AVEN: variants seen among roughly 807,000 people sequenced by gnomAD.
The protein encoded by AVEN is apoptosis and caspase activation inhibitor.
In AVEN, 41 loss-of-function variants were observed where a neutral mutation model predicts 38.1. The ratio of observed to expected loss-of-function variants is 1.08; its 90% confidence interval spans 0.84 to 1.40. AVEN has a LOEUF of 1.40. AVEN is among the 40% of genes most tolerant of loss of function. AVEN has a pLI of 0.00. For missense variants in AVEN, 605 were observed against 438.8 expected, an observed-to-expected ratio of 1.38 and a Z score of -3.38; for synonymous variants, 206 against 171.8, an observed-to-expected ratio of 1.20 and a Z score of -1.56.
intron 1 of AVEN, among the ~76,000 whole-genome samples, chr15:34,036,708 A>G (rs1899142951): frequency 6.6e-6 from 1 of 152,244 alleles, no homozygotes; most frequent in Non-Finnish European, 1.5e-5. Context: ...TGATGAAGGG[A>G]TAAGACCAAC....
At chr15:34,061,899 T>C (rs1900345130) in intron 5 of AVEN, among the ~76,000 whole-genome samples, 1 of 152,208 alleles carries the variant, frequency 6.6e-6, no homozygotes, top group Admixed American at 6.5e-5. Context: ...ACTGGGACTA[T>C]AGAATAGATA....
chr15:34,023,712 T>A (rs1898312494), intron 1 of AVEN, among the ~76,000 whole-genome samples: 1 of 152,170 alleles, frequency 6.6e-6, no homozygotes, highest in African/African-American at 2.4e-5. Flanking sequence ...CACGCCAGGC[T>A]TAAAAGGCCA....
chr15:33,960,168 C>T (rs775052191), intron 2 of AVEN, among the ~76,000 whole-genome samples: 3 of 152,116 alleles, frequency 2.0e-5, no homozygotes. Context: ...ACCAGATACA[C>T]GAACCTCTTT....
intron 2 of AVEN, among the ~76,000 whole-genome samples, chr15:33,909,916 G>T (rs1401850967): frequency 2.0e-5 from 3 of 152,008 alleles, no homozygotes; most frequent in African/African-American, 7.3e-5. Flanking sequence ...ATCACCTGAG[G>T]TCAGGAGTTT....
intron 2 of AVEN, among the ~76,000 whole-genome samples, chr15:33,984,288 TAA>T (rs1896322124): frequency 6.6e-6 from 1 of 152,008 alleles, no homozygotes; most frequent in African/African-American, 2.4e-5. Flanking sequence ...TATTAGAAAA[TAA>T]AAAGTTTACA....
rs1177034109 is a variant in AVEN, at chr15:33,866,677, GGTTGCTCAGGTTCCAT to G, written c.1009_1024del (p.Met337GlnfsTer19). On this transcript the variant is annotated frameshift_variant, in exon 6 of 6. Transcript: ENST00000306730. LOFTEE classifies it high-confidence loss of function. ...CTCGGTAACATTTTTGGAGGTACTTGGTTGCTCAGGTTCCATGTTTTTTTCTTCAGTCACAGATGGT... is the reference window on the plus strand; with the variant it reads ...CTCGGTAACATTTTTGGAGGTACTTGGTTTTTTTCTTCAGTCACAGATGGT... 2 of 1,613,962 alleles carry G rather than the reference GGTTGCTCAGGTTCCAT, an allele frequency of 1.2e-6. No individual in the cohort carries two copies. The highest frequency in any genetic ancestry group is 1.7e-6 in the Non-Finnish European group (2 of 1,179,918).
At chr15:33,854,747 T>C (rs1194820625), downstream of AVEN, 3 of 1,584,912 alleles carry the variant, frequency 1.9e-6, no homozygotes, top group Non-Finnish European at 2.6e-6. Flanking sequence ...CTTAAAAGTC[T>C]GCTTTCTTCC....
chr15:33,994,884 G>A (rs918624696), intron 2 of AVEN, among the ~76,000 whole-genome samples: 2 of 151,728 alleles, frequency 1.3e-5, no homozygotes, highest in African/African-American at 4.8e-5. Flanking sequence ...AGCTAATTTG[G>A]GAAGAAAAAA....
intron 1 of AVEN, among the ~76,000 whole-genome samples, chr15:34,070,901 T>G (rs754489045): frequency 1.3e-5 from 2 of 152,184 alleles, no homozygotes; most frequent in Non-Finnish European, 1.5e-5. Context: ...GTTAAAACCT[T>G]AAATTTCTCT....
intron 2 of AVEN, among the ~76,000 whole-genome samples, chr15:33,898,064 C>A (rs979799637): frequency 6.6e-6 from 1 of 152,036 alleles, no homozygotes; most frequent in African/African-American, 2.4e-5. Flanking sequence ...TGGTGGGCAC[C>A]TGTAGTCCCA....
upstream of AVEN, among the ~76,000 whole-genome samples, chr15:34,043,922 C>A (rs541844816): frequency 4.6e-5 from 7 of 152,130 alleles, no homozygotes; most frequent in Non-Finnish European, 1.0e-4. Context: ...GGGTCTCTGT[C>A]CCAGTCCAAG....
intron 1 of AVEN, among the ~76,000 whole-genome samples, chr15:34,011,613 C>G (rs1021044431): frequency 3.9e-5 from 6 of 152,054 alleles, no homozygotes; most frequent in African/African-American, 1.2e-4. Context: ...ATGGAAAAAG[C>G]AGAGGGGAAG....
At chr15:34,038,295 C>T (rs1899250000) in intron 1 of AVEN, among the ~76,000 whole-genome samples, 1 of 152,218 alleles carries the variant, frequency 6.6e-6, no homozygotes, top group Non-Finnish European at 1.5e-5. Context: ...TATTATGCGC[C>T]TACTGTGTAC....
At chr15:33,887,703 G>T (rs771521790) in intron 2 of AVEN, among the ~76,000 whole-genome samples, 1 of 152,080 alleles carries the variant, frequency 6.6e-6, no homozygotes, top group Non-Finnish European at 1.5e-5. Flanking sequence ...AAGGAAATCT[G>T]AATTCTTTCC....
In AVEN at chr15:34,072,338, C is replaced by T. The variant is rs1267035421; in HGVS notation, n.721-1687G>A. ...CAAATAAAAAATTACCTGGGCCGGG[C>T]GCAGTGGCTCAAGCCTGTAATCCCA... On this transcript the variant is annotated intron_variant and non_coding_transcript_variant, in intron 1 of 11. Transcript: ENST00000675287. Among the ~76,000 whole-genome samples the T allele has an allele frequency of 3.3e-5, 5 of 151,578 alleles. No homozygotes were observed. The East Asian group carries it at 5.9e-4, about 18-fold the overall frequency.
chr15:33,923,785 T>G lies in AVEN; in HGVS notation c.446-47790A>C, dbSNP rs902524245. ...AGAGTGAGCAAAGCTTCATCTGTAT[T>G]TACAGCCACTCCCCATCCCCATTCT... On this transcript the variant is annotated intron_variant, in intron 2 of 5. Coordinates refer to ENST00000306730, the MANE Select transcript of AVEN (RefSeq NM_020371.3). 2.0e-5 allele frequency among the ~76,000 whole-genome samples: 3 copies of G among 151,728 alleles called. No individual in the cohort carries two copies. In the East Asian group the frequency reaches 5.8e-4, roughly 30 times the overall value.
chr15:33,885,015 T>C (rs374938244), intron 2 of AVEN, among the ~76,000 whole-genome samples: 1 of 152,326 alleles, frequency 6.6e-6, no homozygotes, highest in South Asian at 2.1e-4. Context: ...CAATTCTGCA[T>C]AAGTACTTCA....
chr15:34,007,947 T>C (rs992013807), intron 1 of AVEN, among the ~76,000 whole-genome samples: 1 of 152,206 alleles, frequency 6.6e-6, no homozygotes, highest in African/African-American at 2.4e-5. Context: ...TATGAGGACA[T>C]GAGTTATACT....
At chr15:33,881,022 A>G (rs1482783228) in intron 2 of AVEN, among the ~76,000 whole-genome samples, 2 of 151,974 alleles carry the variant, frequency 1.3e-5, no homozygotes, top group Non-Finnish European at 2.9e-5. Flanking sequence ...ACTTCAAAAT[A>G]TAACACAATT....
Sources: allele counts gnomAD v4.1 joint callset (sites outside exome capture counted in the v4.1 genomes callset), GRCh38; gene constraint gnomAD v4.1.1; transcripts MANE v1.5; gene names NCBI Gene and HGNC (gene_info 2026-07-23, HGNC 2026-07-21).